Variants in IRAK2 observed in about 807,000 individuals in gnomAD.
The protein encoded by IRAK2 is interleukin 1 receptor associated kinase 2.
IRAK2 carries 57 observed loss-of-function variants against 72.0 expected under a neutral mutation model. That is an observed-to-expected ratio of 0.79 (90% CI 0.64 to 0.99). The LOEUF (loss-of-function observed/expected upper bound fraction) is 0.99, where lower values mean the gene tolerates loss of function less well. IRAK2 is among the 50% of genes least tolerant of loss of function. The pLI, the probability that IRAK2 is intolerant of heterozygous loss-of-function variation, is 0.00. For synonymous variants in IRAK2, 293 were observed against 312.7 expected, an observed-to-expected ratio of 0.94 and a Z score of 0.67; for missense variants, 790 against 794.4, an observed-to-expected ratio of 0.99 and a Z score of 0.07.
In IRAK2 at chr3:10,234,049, G is replaced by A. The variant is rs1032745451; in HGVS notation, c.1273-410G>A. ...AGCTAATTTTTATATTTCTAGTAGA[G>A]ACGGGGTTTCGCCCTGTTGGCCAGG... On this transcript the variant is annotated intron_variant, in intron 10 of 12. Transcript: ENST00000256458. 3.9e-5 allele frequency among the ~76,000 whole-genome samples: 6 copies of A among 152,122 alleles called. No homozygotes were observed. The South Asian group carries it at 6.2e-4, about 16-fold the overall frequency.
intron 6 of IRAK2, among the ~76,000 whole-genome samples, chr3:10,215,025 G>C (rs1697580787): frequency 6.6e-6 from 1 of 151,564 alleles, no homozygotes; most frequent in Non-Finnish European, 1.5e-5. Context: ...CCAGGAGGCA[G>C]AAGTTGCAGT....
chr3:10,194,840 G>A (rs1049661842), intron 2 of IRAK2, among the ~76,000 whole-genome samples: 2 of 152,158 alleles, frequency 1.3e-5, no homozygotes, highest in East Asian at 3.9e-4. Context: ...AGAAGATGGG[G>A]GTTTCACAGG....
intron 2 of IRAK2, among the ~76,000 whole-genome samples, chr3:10,194,776 TA>T (rs1697238038): frequency 6.6e-6 from 1 of 152,216 alleles, no homozygotes; most frequent in Non-Finnish European, 1.5e-5. Flanking sequence ...GGTTCATGTT[TA>T]TACGCACCAT....
chr3:10,228,242 T>C (rs1051113680), intron 10 of IRAK2, among the ~76,000 whole-genome samples: 2 of 152,120 alleles, frequency 1.3e-5, no homozygotes, highest in Non-Finnish European at 2.9e-5. Context: ...ATTTTATTTA[T>C]TTATTTATTT....
intron 2 of IRAK2, among the ~76,000 whole-genome samples, chr3:10,185,113 G>T (rs1382181893): frequency 6.6e-6 from 1 of 151,294 alleles, no homozygotes; most frequent in East Asian, 1.9e-4. Context: ...TGTGATTCGC[G>T]AAGCATCCTA....
rs1480886667 is a variant in IRAK2 at position 10,219,764 on chromosome 3, G to T, written c.988G>T (p.Glu330Ter). The T allele has an allele frequency of 1.4e-5, 23 of 1,613,652 alleles. No homozygotes were observed. Among genetic ancestry groups the T allele is most frequent in the Non-Finnish European group, 1.5e-5 (18 of 1,179,702 alleles). ...LCAVEYLHGL[E>*]IIHSNVKSSN... The stretch of plus-strand genomic sequence containing the variant: ...TGCCGTCGAGTACCTGCATGGTCTG[G>T]AGATCATCCACAGCAACGTCAAGAG... Residue 330 changes from glutamate to a stop codon, truncating the protein, a stop_gained, in exon 8 of 13, where the codon GAG becomes TAG. Transcript: ENST00000256458. LOFTEE classifies it high-confidence loss of function.
At chr3:10,238,015 C>T (rs67266168) in intron 11 of IRAK2, among the ~76,000 whole-genome samples, 64,836 of 150,172 alleles carry the variant, frequency 0.43, 14,970 homozygotes, top group Admixed American at 0.53. Flanking sequence ...CCTAACCTCC[C>T]TAACCACAAA....
intron 3 of IRAK2, among the ~76,000 whole-genome samples, chr3:10,202,687 T>TC (rs1170173818): frequency 7.9e-6 from 1 of 126,152 alleles, no homozygotes; most frequent in African/African-American, 2.9e-5. Flanking sequence ...TTACTTTCTT[T>TC]CCTTTTTTTT....
chr3:10,212,751 C>T (rs1442997900), intron 4 of IRAK2, among the ~76,000 whole-genome samples: 1 of 150,932 alleles, frequency 6.6e-6, no homozygotes, highest in Non-Finnish European at 1.5e-5. Context: ...TGAGCTTGGG[C>T]CTATCCATGT....
chr3:10,204,961 T>C (rs776564947), intron 3 of IRAK2, among the ~76,000 whole-genome samples: 26 of 152,106 alleles, frequency 1.7e-4, no homozygotes, highest in Admixed American at 5.2e-4. Flanking sequence ...ATCTTGTTCA[T>C]CTACTCTCCT....
chr3:10,242,220 G>C lies in IRAK2; in HGVS notation c.1870G>C (p.Gly624Arg). The C allele has an allele frequency of 1.9e-6, 3 of 1,597,720 alleles. No individual in the cohort carries two copies. The highest frequency in any genetic ancestry group is 2.6e-6 in the Non-Finnish European group (3 of 1,165,906). ...EEKVDSIELF[G>R]P The stretch of plus-strand genomic sequence containing the variant: ...AAAAGTGGACAGCATTGAGCTCTTT[G>C]GCCCCTGATGACCGGAACACAGCTG... Residue 624 changes from glycine (G) to arginine (R), a missense_variant, in exon 13 of 13, where the codon GGC becomes CGC. Gly to Arg is a moderately radical substitution (Grantham distance 125, BLOSUM62 -2). Transcript: ENST00000256458.
chr3:10,183,720 A>AAAAT (rs71055805), intron 2 of IRAK2, among the ~76,000 whole-genome samples: 45,969 of 150,504 alleles, frequency 0.31, 7,610 homozygotes, highest in Non-Finnish European at 0.37. Context: ...ACTCCGTCTC[A>AAAAT]AAATAAATAA....
chr3:10,216,150 T>G (rs1427127450), intron 6 of IRAK2, among the ~76,000 whole-genome samples: 1 of 152,116 alleles, frequency 6.6e-6, no homozygotes, highest in African/African-American at 2.4e-5. Context: ...GAGAGGGGAA[T>G]GAAGGGACAT....
intron 4 of IRAK2, 84 bp from the exon 5 acceptor site, chr3:10,213,123 A>G (rs1697548977): frequency 1.8e-6 from 2 of 1,142,826 alleles, no homozygotes; most frequent in Non-Finnish European, 2.6e-6. Context: ...CCATCCCTCC[A>G]TCTCTGGTGT....
intron 2 of IRAK2, among the ~76,000 whole-genome samples, chr3:10,192,023 A>AGAGT (rs1553623791): frequency 1.5e-5 from 2 of 135,710 alleles, no homozygotes; most frequent in East Asian, 2.2e-4. Flanking sequence ...TTGAGTTGGG[A>AGAGT]GTGTGTGTGT....
intron 3 of IRAK2, among the ~76,000 whole-genome samples, chr3:10,202,952 A>T (rs2125152477): frequency 6.6e-6 from 1 of 151,878 alleles, no homozygotes; most frequent in East Asian, 1.9e-4. Flanking sequence ...GGCCTCCCAA[A>T]GTGTTGGGAT....
At chr3:10,214,391 C>CTTTTTT (rs534445139) in intron 6 of IRAK2, among the ~76,000 whole-genome samples, 33 of 95,404 alleles carry the variant, frequency 3.5e-4, no homozygotes, top group African/African-American at 5.5e-4. Flanking sequence ...TCATTTTTTG[C>CTTTTTT]TTTTTTTTTT....
At chr3:10,228,105 G>T (rs1697808600) in intron 10 of IRAK2, among the ~76,000 whole-genome samples, 1 of 152,022 alleles carries the variant, frequency 6.6e-6, no homozygotes, top group South Asian at 2.1e-4. Context: ...GTGGAAGTGG[G>T]GTTTAAATTG....
intron 2 of IRAK2, among the ~76,000 whole-genome samples, 156 bp from the exon 3 acceptor site, chr3:10,200,213 C>T (rs567811552): frequency 2.4e-4 from 37 of 152,122 alleles, no homozygotes; most frequent in African/African-American, 8.2e-4. Context: ...ATGGGGAGGC[C>T]GGGGCCAGAA....
Sources: gnomAD v4.1 joint callset for allele counts (sites outside exome capture counted in the v4.1 genomes callset) on GRCh38, gnomAD v4.1.1 for gene constraint, MANE v1.5 for transcripts, NCBI Gene and HGNC (gene_info 2026-07-23, HGNC 2026-07-21) for gene names.